RASIP1: variants seen among roughly 807,000 people sequenced by gnomAD.
RASIP1 encodes ras-interacting protein 1.
In RASIP1, 20 loss-of-function variants were observed where a neutral mutation model predicts 85.3. That is an observed-to-expected ratio of 0.23 (90% confidence interval 0.17 to 0.34). RASIP1 has a LOEUF of 0.34. Ranked by LOEUF, RASIP1 falls within the 10% of genes least tolerant of loss-of-function variation. The pLI, the probability that RASIP1 is intolerant of heterozygous loss-of-function variation, is 1.00. For synonymous variants in RASIP1, 617 were observed against 647.1 expected (o/e 0.95, Z 0.71); for missense variants, 1,170 against 1,390.9 (o/e 0.84, Z 2.53).
rs1297679894 is a variant in RASIP1, at chr19:48,720,919, G to A, written c.2771C>T (p.Pro924Leu). 2.5e-6 allele frequency: 4 copies of A among 1,613,764 alleles called. No individual in the cohort carries two copies. Among genetic ancestry groups the A allele is most frequent in the African/African-American group, 1.3e-5 (1 of 75,056 alleles). ...ACGGTGCAAGGCATCGTCCGTCACTGGACCAGTGAGGCGCAGGCGCGAGCT... is the reference window on the plus strand; with the variant it reads ...ACGGTGCAAGGCATCGTCCGTCACTAGACCAGTGAGGCGCAGGCGCGAGCT... ...LGSSRLRLTG[P>L]VTDDALHREL... The change falls in exon 12 of 12, where the codon CCA (proline) becomes CTA (leucine). Residue 924 changes from proline (P) to leucine (L), a missense_variant. Physicochemically the swap from Pro to Leu is moderately conservative, Grantham distance 98. Transcript: ENST00000222145.
intron 10 of RASIP1, 133 bp from the exon 11 acceptor site, chr19:48,722,134 GA>G: frequency 1.1e-6 from 1 of 873,876 alleles, no homozygotes; most frequent in Non-Finnish European, 1.6e-6. Flanking sequence ...TGGGCACTGT[GA>G]AGTCTGTTTA....
chr19:48,735,997 T>G (rs527623124), intron 3 of RASIP1, among the ~76,000 whole-genome samples: 7 of 151,644 alleles, frequency 4.6e-5, no homozygotes, highest in Non-Finnish European at 8.8e-5. Flanking sequence ...GTTTTCACCA[T>G]GTTGGCCAGG....
Position 48,724,972 on chromosome 19 carries a change from G to A in RASIP1, c.2128-12C>T, listed in dbSNP as rs1288556154. The A allele has an allele frequency of 3.1e-6, 5 of 1,607,280 alleles. No homozygotes were observed. Among genetic ancestry groups the A allele is most frequent in the Middle Eastern group, 1.7e-4 (1 of 6,040 alleles). ...GTTGAATAGAGAGTCTGAGAAAATA[G>A]AGAAGTGGAAACAAGTGATTGGACT... On this transcript the variant is annotated splice_polypyrimidine_tract_variant and intron_variant, in intron 8 of 11. Transcript: ENST00000222145. This position sits in a 1 kb window ranked among gnomAD's most constrained non-coding sequence, Gnocchi z 4.6.
rs989508564 is a variant in RASIP1 at position 48,721,003 on chromosome 19, A to T, written c.2693-6T>A. ...GAAGCTTTCGAAGATGTCCCCTGTG[A>T]GGCCGAAGGCGGCGCGGTTAGAGTC... On this transcript the variant is annotated splice_region_variant and splice_polypyrimidine_tract_variant and intron_variant, in intron 11 of 11. Transcript: ENST00000222145. 2.5e-6 allele frequency: 4 copies of T among 1,585,852 alleles called. No homozygotes were observed. In the African/African-American group the frequency reaches 4.0e-5, roughly 16 times the overall value.
chr19:48,724,839 A>C lies in RASIP1; in HGVS notation c.2249T>G (p.Val750Gly), dbSNP rs764758039. 2 of 1,614,206 alleles carry C rather than the reference A, an allele frequency of 1.2e-6. No homozygotes were observed. The highest frequency in any genetic ancestry group is 3.3e-5 in the Admixed American group (2 of 60,026). The change falls in exon 9 of 12, where the codon GTG becomes GGG. Residue 750 changes from valine (V) to glycine (G), a missense_variant. Val to Gly is a moderately radical substitution (Grantham distance 109). This residue lies in a region of RASIP1 where 426 missense variants were observed against 576.2 expected (regional missense o/e 0.74). Transcript: ENST00000222145. The surrounding 1 kb of genome is among the most constrained non-coding windows in gnomAD (Gnocchi z 4.6). ...GGTCAGCTCCAAGGCTGCCTGGAACACGCCCAGGGTAGGTCTCAATCCTGG... is the reference window on the plus strand; with the variant it reads ...GGTCAGCTCCAAGGCTGCCTGGAACCCGCCCAGGGTAGGTCTCAATCCTGG... ...MPPGLRPTLGVFQAALELTSQ... is the reference protein window; with the variant it reads ...MPPGLRPTLGGFQAALELTSQ...
chr19:48,725,112 C>T (rs2033320801), intron 8 of RASIP1, 152 bp from the exon 9 acceptor site: 2 of 836,828 alleles, frequency 2.4e-6, no homozygotes, highest in South Asian at 3.6e-5. Context: ...TCTCCGTGAG[C>T]AAATCCCTAC....
In RASIP1 at chr19:48,720,664, C is replaced by G. The variant is rs956799810; in HGVS notation, c.*134G>C. ...GCTCCCACCGTCCCATCCGCTACTT[C>G]CCGAAAACTCAATCTCCCAACATTC... is the stretch of plus-strand genomic sequence containing the variant. On this transcript the variant is annotated 3_prime_UTR_variant, in exon 12 of 12. Transcript: ENST00000222145. 9.0e-6 allele frequency: 9 copies of G among 998,272 alleles called. No individual in the cohort carries two copies. In the African/African-American group the frequency reaches 1.4e-4, roughly 16 times the overall value. The allele number at this position is 998,272 out of a possible 1,614,324, so 61.8% of individuals were successfully genotyped here.
Position 48,728,925 on chromosome 19 carries a change from G to T in RASIP1, c.1833+12C>A. The T allele has an allele frequency of 1.4e-6, 2 of 1,437,546 alleles. No individual in the cohort carries two copies. Among genetic ancestry groups the T allele is most frequent in the Non-Finnish European group, 9.0e-7 (1 of 1,105,912 alleles). The allele number at this position is 1,437,546 out of a possible 1,614,324, so 89.0% of individuals were successfully genotyped here. ...CGCTGGTGGGGCTGGACGGCGATTGGGGGGCGCTCACCCAGACGGCCTCCT... is the reference window on the plus strand; with the variant it reads ...CGCTGGTGGGGCTGGACGGCGATTGTGGGGCGCTCACCCAGACGGCCTCCT... On this transcript the variant is annotated intron_variant, in intron 5 of 11. Coordinates refer to ENST00000222145, the MANE Select transcript of RASIP1 (RefSeq NM_017805.3).
In RASIP1 at chr19:48,739,304, T is replaced by C; in HGVS notation, c.479A>G (p.Asn160Ser). ...CGCCGTGGCCAGCACGCTCTTGTAGTTGGCGCCCGATGCCAGTCCGGCGCC... is the reference window on the plus strand; with the variant it reads ...CGCCGTGGCCAGCACGCTCTTGTAGCTGGCGCCCGATGCCAGTCCGGCGCC... The part of the protein sequence containing the change: ...IFGAGLASGA[N>S]YKSVLATARS... Residue 160 changes from asparagine (N) to serine (S), a missense_variant, in exon 3 of 12, where the codon AAC (asparagine) becomes AGC (serine). Transcript: ENST00000222145. This position sits in a 1 kb window ranked among gnomAD's most constrained non-coding sequence, Gnocchi z 9.2. 7.1e-7 allele frequency: 1 copy of C among 1,409,830 alleles called. No homozygotes were observed. 87.3% of individuals were successfully genotyped at this position (1,409,830 alleles called of 1,614,324 possible).
At chr19:48,727,453 T>C in intron 5 of RASIP1, 23 bp from the exon 6 acceptor site, 1 of 1,612,236 alleles carries the variant, frequency 6.2e-7, no homozygotes, top group South Asian at 1.1e-5. Context: ...AAGATCAGAA[T>C]CAAGGTGAGG....
intron 8 of RASIP1, among the ~76,000 whole-genome samples, chr19:48,726,547 A>G (rs1235118382): frequency 6.6e-6 from 1 of 152,226 alleles, no homozygotes; most frequent in African/African-American, 2.4e-5. Flanking sequence ...ACAAAGGAAA[A>G]GAAGCCAGAA....
Position 48,724,830 on chromosome 19 carries a change from G to T in RASIP1, c.2258C>A (p.Ala753Glu). 1 of 1,614,256 alleles carries T rather than the reference G, an allele frequency of 6.2e-7. No individual in the cohort carries two copies. The highest frequency in any genetic ancestry group is 8.5e-7 in the Non-Finnish European group (1 of 1,180,050). Residue 753 changes from alanine (A) to glutamate (E), a missense_variant, in exon 9 of 12, where the codon GCA becomes GAA. Physicochemically the swap from Ala to Glu is moderately radical, Grantham distance 107. Around this residue, in one of 4 missense-constraint regions of RASIP1, gnomAD observed 426 missense variants for 576.2 expected, o/e 0.74. Coordinates refer to ENST00000222145, the MANE Select transcript of RASIP1 (RefSeq NM_017805.3). This position sits in a 1 kb window ranked among gnomAD's most constrained non-coding sequence, Gnocchi z 4.6. Reference sequence around the variant, plus strand: ...GCACTGGCTGGTCAGCTCCAAGGCTGCCTGGAACACGCCCAGGGTAGGTCT... The same window carrying T: ...GCACTGGCTGGTCAGCTCCAAGGCTTCCTGGAACACGCCCAGGGTAGGTCT... ...GLRPTLGVFQ[A>E]ALELTSQCEL...
At position 48,738,891 on chromosome 19, in the gene RASIP1, A is replaced by G. The variant is rs1344932590; in HGVS notation, c.823+69T>C. ...CCCGCGAGTCCCACAAGCCCCGCCC[A>G]GGCCCCGCCCCACGGACCCCGCCTC... is the stretch of plus-strand genomic sequence containing the variant. On this transcript the variant is annotated intron_variant, in intron 3 of 11. Coordinates refer to ENST00000222145, the MANE Select transcript of RASIP1 (RefSeq NM_017805.3). The surrounding 1 kb of genome is among the most constrained non-coding windows in gnomAD (Gnocchi z 4.0). 10 of 341,162 alleles carry G rather than the reference A, an allele frequency of 2.9e-5. No homozygotes were observed. The African/African-American group carries it at 4.0e-4, about 14-fold the overall frequency. The allele number at this position is 341,162 out of a possible 1,614,324, so 21.1% of individuals were successfully genotyped here. A position where few individuals can be genotyped will look rare whatever the true frequency, so the allele number is the denominator to read the frequency against.
chr19:48,728,851 A>T, intron 5 of RASIP1, 86 bp downstream of exon 5: 2 of 1,303,224 alleles, frequency 1.5e-6, no homozygotes. Flanking sequence ...CAGCCCAGCT[A>T]TGAAAAGGGT....
In RASIP1 at chr19:48,739,782, G is replaced by A; in HGVS notation, c.138-137C>T. 3.7e-6 allele frequency: 3 copies of A among 811,246 alleles called. No individual in the cohort carries two copies. Among genetic ancestry groups the A allele is most frequent in the Admixed American group, 3.9e-5 (1 of 25,564 alleles). The allele number at this position is 811,246 out of a possible 1,614,324, so 50.3% of individuals were successfully genotyped here. Reference sequence around the variant, plus strand: ...GGGACCCAGGGTGGATGGACGGGGCGGGGGTGAGGGTGGGGACAGACGCGA... The same window carrying A: ...GGGACCCAGGGTGGATGGACGGGGCAGGGGTGAGGGTGGGGACAGACGCGA... On this transcript the variant is annotated intron_variant, in intron 2 of 11. Coordinates refer to ENST00000222145, the MANE Select transcript of RASIP1 (RefSeq NM_017805.3). This position sits in a 1 kb window ranked among gnomAD's most constrained non-coding sequence, Gnocchi z 9.2.
chr19:48,735,658 C>T lies in RASIP1; in HGVS notation c.824-107G>A. On this transcript the variant is annotated intron_variant, in intron 3 of 11. Transcript: ENST00000222145. Reference sequence around the variant, plus strand: ...TGGTTGCAGAGAGGTGAGGCTGCTTCCCACATTTAGGATTTAGGCTTTTGC... The same window carrying T: ...TGGTTGCAGAGAGGTGAGGCTGCTTTCCACATTTAGGATTTAGGCTTTTGC... The T allele has an allele frequency of 2.7e-6, 3 of 1,130,082 alleles. No individual in the cohort carries two copies. In the South Asian group the frequency reaches 4.9e-5, roughly 19 times the overall value. The allele number at this position is 1,130,082 out of a possible 1,614,324, so 70.0% of individuals were successfully genotyped here.
intron 3 of RASIP1, chr19:48,737,575 A>G (rs376310768): frequency 1.9e-4 from 184 of 985,294 alleles, no homozygotes; most frequent in Middle Eastern, 1.0e-3. Flanking sequence ...CCGGCCCCTC[A>G]GCGGCTCCGC....
rs367835175 is a variant in RASIP1, at chr19:48,737,695, C to A, written c.823+1265G>T. ...AGGCCCTGCTCAGTAGCCACCTCAACCTACTTGGCAGAGCTGCCTCCTACC... is the reference window on the plus strand; with the variant it reads ...AGGCCCTGCTCAGTAGCCACCTCAAACTACTTGGCAGAGCTGCCTCCTACC... On this transcript the variant is annotated intron_variant, in intron 3 of 11. Coordinates refer to ENST00000222145, the MANE Select transcript of RASIP1 (RefSeq NM_017805.3). 5.1e-6 allele frequency: 5 copies of A among 985,394 alleles called. No homozygotes were observed. In the East Asian group the frequency reaches 3.4e-4, roughly 67 times the overall value. 61.0% of individuals were successfully genotyped at this position (985,394 alleles called of 1,614,324 possible). A position where few individuals can be genotyped will look rare whatever the true frequency, so the allele number is the denominator to read the frequency against.
intron 4 of RASIP1, among the ~76,000 whole-genome samples, chr19:48,731,722 T>C (rs1473607378): frequency 6.6e-6 from 1 of 152,172 alleles, no homozygotes; most frequent in Non-Finnish European, 1.5e-5. Flanking sequence ...CCCTACCCCA[T>C]GAATGGGTGT....
Sources: gnomAD v4.1 joint callset for allele counts (sites outside exome capture counted in the v4.1 genomes callset) on GRCh38, gnomAD v4.1.1 for gene constraint, gnomAD v4.1.1 regional missense constraint, Gnocchi (gnomAD v3.1) non-coding constraint, MANE v1.5 for transcripts, NCBI Gene and HGNC (gene_info 2026-07-23, HGNC 2026-07-21) for gene names.